Variants in GJA3 observed in about 807,000 individuals in gnomAD.
GJA3 encodes the protein gap junction alpha-3 protein.
For missense variants in GJA3, 571 were observed against 620.3 expected, an observed-to-expected ratio of 0.92 and a Z score of 0.84; for synonymous variants, 297 against 292.6, an observed-to-expected ratio of 1.02 and a Z score of -0.15.
intron 1 of GJA3, among the ~76,000 whole-genome samples, chr13:20,148,548 C>A (rs935319788): frequency 6.6e-6 from 1 of 152,130 alleles, no homozygotes; most frequent in Non-Finnish European, 1.5e-5. Context: ...TGTGAGCCAC[C>A]GCGCCCAGCC....
chr13:20,151,304 T>A (rs1305915681), intron 1 of GJA3, among the ~76,000 whole-genome samples: 2 of 151,924 alleles, frequency 1.3e-5, no homozygotes, highest in East Asian at 1.9e-4. Flanking sequence ...CTGGAGAGGA[T>A]GTGGAAGAGA....
rs146715998 is a variant in GJA3 at position 20,149,614 on chromosome 13, G to C, written c.-17-6309C>G. 3.2e-4 allele frequency among the ~76,000 whole-genome samples: 49 copies of C among 152,326 alleles called. No individual in the cohort carries two copies. In the East Asian group the frequency reaches 3.3e-3, roughly 10 times the overall value. On this transcript the variant is annotated intron_variant, in intron 1 of 1. Coordinates refer to ENST00000241125, the MANE Select transcript of GJA3 (RefSeq NM_021954.4). ...ATGCAAGGGGATTTCAGAGAAAAGG[G>C]ATATTCGTATCATACTAAAATGGGC...
intron 1 of GJA3, among the ~76,000 whole-genome samples, chr13:20,149,447 T>A (rs1958863662): frequency 6.6e-6 from 1 of 152,110 alleles, no homozygotes. Context: ...ATTGTGCCAC[T>A]GCGTTCCAGT....
At chr13:20,152,724 G>C (rs997514659) in intron 1 of GJA3, among the ~76,000 whole-genome samples, 8 of 152,146 alleles carry the variant, frequency 5.3e-5, no homozygotes, top group Non-Finnish European at 2.9e-5. Flanking sequence ...ACAAATTAGA[G>C]GTAATATAAT....
chr13:20,142,539 G>A lies in GJA3; in HGVS notation c.750C>T (p.Ala250=). 2 of 1,561,520 alleles carry A rather than the reference G, an allele frequency of 1.3e-6. No homozygotes were observed. The highest frequency in any genetic ancestry group is 1.7e-6 in the Non-Finnish European group (2 of 1,153,780). Residue 250 remains alanine, a synonymous_variant, in exon 2 of 2, where the codon GCC becomes GCT. Coordinates refer to ENST00000241125, the MANE Select transcript of GJA3 (RefSeq NM_021954.4). ...PDASEAPLGT[A]DPPPLPPSSR... is the part of the protein sequence containing the mutation. The stretch of plus-strand genomic sequence containing the variant: ...AGCTGGGGGGCAGGGGCGGGGGATC[G>A]GCTGTCCCCAGCGGGGCCTCGGAGG...
At chr13:20,151,648 G>A (rs1454082051) in intron 1 of GJA3, among the ~76,000 whole-genome samples, 1 of 152,090 alleles carries the variant, frequency 6.6e-6, no homozygotes, top group Non-Finnish European at 1.5e-5. Context: ...GCCAGAAGGG[G>A]CTCTCAGTTA....
Position 20,142,976 on chromosome 13 carries a change from T to TCTC in GJA3, c.310_312dup (p.Glu104dup), listed in dbSNP as rs1566515209. The TCTC allele has an allele frequency of 1.3e-6, 2 of 1,590,044 alleles. No individual in the cohort carries two copies. Among genetic ancestry groups the TCTC allele is most frequent in the African/African-American group, 2.7e-5 (2 of 74,322 alleles). On this transcript the variant is annotated inframe_insertion, in exon 2 of 2. Transcript: ENST00000241125. ...TCCTCCTCCTCCCTCTCTTTCTTCT[T>TCTC]CTCTTCCATGCGCACGATGTGCAGC... is the stretch of plus-strand genomic sequence containing the variant.
At chr13:20,150,146 G>A (rs9509058) in intron 1 of GJA3, among the ~76,000 whole-genome samples, 15,981 of 152,206 alleles carry the variant, frequency 0.1, 1,296 homozygotes, top group African/African-American at 0.22. Flanking sequence ...TGATGGCACC[G>A]TTTAAAGAGG....
Position 20,142,446 on chromosome 13 carries a change from C to G in GJA3, c.843G>C (p.Gln281His). The G allele has an allele frequency of 6.6e-7, 1 of 1,520,776 alleles. No individual in the cohort carries two copies. The highest frequency in any genetic ancestry group is 8.8e-7 in the Non-Finnish European group (1 of 1,133,360). 94.2% of individuals were successfully genotyped at this position (1,520,776 alleles called of 1,614,324 possible). A position where few individuals can be genotyped will look rare whatever the true frequency, so the allele number is the denominator to read the frequency against. ...YYAHTAAPLG[Q>H]ARAVGYPGAP... ...CCCCGGGGTAGCCCACGGCGCGGGC[C>G]TGTCCCAGGGGCGCAGCGGTGTGCG... The change falls in exon 2 of 2, where the codon CAG becomes CAC. Residue 281 changes from glutamine to histidine, a missense_variant. By Grantham distance (24) the Gln-to-His change is conservative (BLOSUM62 0). Coordinates refer to ENST00000241125, the MANE Select transcript of GJA3 (RefSeq NM_021954.4).
intron 1 of GJA3, among the ~76,000 whole-genome samples, chr13:20,159,571 TGTGA>T (rs973498254): frequency 2.0e-5 from 3 of 150,500 alleles, no homozygotes; most frequent in African/African-American, 7.4e-5. Flanking sequence ...TAAGTTAAAA[TGTGA>T]GTAACATTCA....
At chr13:20,160,006 T>C (rs1027750024) in intron 1 of GJA3, among the ~76,000 whole-genome samples, 6 of 152,248 alleles carry the variant, frequency 3.9e-5, no homozygotes, top group Non-Finnish European at 7.3e-5. Context: ...GCTGTTTGTA[T>C]AGAATCATTT....
intron 1 of GJA3, 72 bp downstream of exon 1, chr13:20,160,818 G>C (rs907890150): frequency 6.6e-6 from 1 of 151,866 alleles, no homozygotes; most frequent in Non-Finnish European, 1.5e-5. Flanking sequence ...CTGCGCCGCC[G>C]ACCCGCCCGT....
chr13:20,161,067 C>A, upstream of GJA3: 1 of 153,298 alleles, frequency 6.5e-6, no homozygotes, highest in South Asian at 1.9e-4. Flanking sequence ...CGCCCGACGC[C>A]CCCAAGCTGC....
At chr13:20,160,204 C>T (rs1386004126) in intron 1 of GJA3, among the ~76,000 whole-genome samples, 1 of 152,192 alleles carries the variant, frequency 6.6e-6, no homozygotes, top group Non-Finnish European at 1.5e-5. Context: ...CGGGAAGGGG[C>T]TCGGACAGTG....
chr13:20,148,366 T>C (rs1958856360), intron 1 of GJA3, among the ~76,000 whole-genome samples: 1 of 151,022 alleles, frequency 6.6e-6, no homozygotes, highest in East Asian at 1.9e-4. Context: ...CTCCGGTGAT[T>C]CTCCCACCTC....
At chr13:20,146,875 T>C (rs1017847839) in intron 1 of GJA3, among the ~76,000 whole-genome samples, 1 of 152,252 alleles carries the variant, frequency 6.6e-6, no homozygotes, top group Non-Finnish European at 1.5e-5. Context: ...AACAGTTCCC[T>C]GAGCAGTGCT....
intron 1 of GJA3, among the ~76,000 whole-genome samples, chr13:20,149,089 C>A (rs1261618731): frequency 6.6e-6 from 1 of 152,186 alleles, no homozygotes; most frequent in African/African-American, 2.4e-5. Context: ...ATTGTTTCCC[C>A]CTTGGCCTTC....
At chr13:20,159,252 C>A (rs1416045603) in intron 1 of GJA3, among the ~76,000 whole-genome samples, 3 of 151,726 alleles carry the variant, frequency 2.0e-5, no homozygotes, top group Middle Eastern at 3.2e-3. Context: ...TCAGGAGATT[C>A]ATTTGCAATC....
Position 20,142,650 on chromosome 13 carries a change from C to T in GJA3, c.639G>A (p.Ala213=). The T allele has an allele frequency of 6.2e-7, 1 of 1,613,084 alleles. No individual in the cohort carries two copies. The highest frequency in any genetic ancestry group is 8.5e-7 in the Non-Finnish European group (1 of 1,179,830). ...TCTCCAGCATGTTGAGCAGCAGGGA[C>T]GCGCAGGCCACCGCCAGCATGAAGA... ...FIIFMLAVAC[A]SLLLNMLEIY... is the part of the protein sequence containing the mutation. The change falls in exon 2 of 2, where the codon GCG becomes GCA. Residue 213 remains alanine, a synonymous_variant. Coordinates refer to ENST00000241125, the MANE Select transcript of GJA3 (RefSeq NM_021954.4).
Sources: gnomAD v4.1 joint callset for allele counts (sites outside exome capture counted in the v4.1 genomes callset) on GRCh38, gnomAD v4.1.1 for gene constraint, MANE v1.5 for transcripts, NCBI Gene and HGNC (gene_info 2026-07-23, HGNC 2026-07-21) for gene names.